The following CDH13 variants were observed in gnomAD, a reference collection of about 807,000 sequenced individuals.
The protein encoded by CDH13 is cadherin-13.
In CDH13, 24 loss-of-function variants were observed where a neutral mutation model predicts 63.8. The observed-to-expected ratio is 0.38, with a 90% CI of 0.27 to 0.53. The LOEUF (loss-of-function observed/expected upper bound fraction) is 0.53. Ranked by LOEUF, CDH13 falls within the 20% of genes least tolerant of loss-of-function variation. The pLI is 0.85. For missense variants in CDH13, 1,049 were observed against 903.1 expected (o/e 1.16, Z -2.07); for synonymous variants, 503 against 355.3 (o/e 1.42, Z -4.67).
intron 10 of CDH13, among the ~76,000 whole-genome samples, chr16:83,741,294 C>A (rs904942560): frequency 6.6e-6 from 1 of 152,108 alleles, no homozygotes; most frequent in Non-Finnish European, 1.5e-5. Flanking sequence ...ATAATAAATA[C>A]GGGGTCCAGT....
chr16:83,249,309 T>C (rs1405562749), intron 5 of CDH13, among the ~76,000 whole-genome samples: 1 of 152,226 alleles, frequency 6.6e-6, no homozygotes, highest in Admixed American at 6.5e-5. Context: ...TTTCTCACTC[T>C]GTCTTCACTG....
intron 5 of CDH13, among the ~76,000 whole-genome samples, chr16:83,280,313 C>T (rs547190920): frequency 6.6e-6 from 1 of 152,152 alleles, no homozygotes; most frequent in Non-Finnish European, 1.5e-5. Flanking sequence ...AGTAGCTTTA[C>T]CAGGAGTAGG....
At chr16:83,270,832 G>A (rs999141555) in intron 5 of CDH13, among the ~76,000 whole-genome samples, 14 of 151,944 alleles carry the variant, frequency 9.2e-5, no homozygotes, top group Admixed American at 9.2e-4. Context: ...CAGATGCTGT[G>A]TTGCTCTTCT....
chr16:82,991,396 T>G (rs1911639615), intron 2 of CDH13, among the ~76,000 whole-genome samples: 1 of 152,172 alleles, frequency 6.6e-6, no homozygotes, highest in Non-Finnish European at 1.5e-5. Flanking sequence ...AGATGTAGAA[T>G]TTTGATATAA....
At chr16:83,575,001 C>T (rs943289108) in intron 7 of CDH13, among the ~76,000 whole-genome samples, 7 of 152,110 alleles carry the variant, frequency 4.6e-5, no homozygotes, top group Non-Finnish European at 1.0e-4. Flanking sequence ...CCCGAACGCC[C>T]ATCCACTAAT....
intron 3 of CDH13, among the ~76,000 whole-genome samples, chr16:83,041,238 C>T (rs1029662115): frequency 3.9e-5 from 6 of 152,044 alleles, no homozygotes; most frequent in Non-Finnish European, 7.4e-5. Context: ...ACAAGAATTT[C>T]TTAAAAATAA....
intron 1 of CDH13, chr16:82,704,964 G>T: frequency 2.9e-6 from 1 of 350,876 alleles, no homozygotes. Context: ...GCAGACTTGG[G>T]AGACAATGTC....
intron 1 of CDH13, among the ~76,000 whole-genome samples, chr16:82,745,663 C>T (rs939189894): frequency 2.0e-5 from 3 of 152,132 alleles, no homozygotes; most frequent in African/African-American, 7.2e-5. Context: ...CGTAGGTCAT[C>T]GTCACCTTTT....
At chr16:83,725,325 A>C (rs573619661) in intron 10 of CDH13, 1 of 152,310 alleles carries the variant, frequency 6.6e-6, no homozygotes, top group African/African-American at 2.4e-5. Context: ...CTGTGGATCT[A>C]ATCTATCCTT....
intron 10 of CDH13, among the ~76,000 whole-genome samples, chr16:83,685,453 A>G (rs1222476582): frequency 6.6e-6 from 1 of 152,212 alleles, no homozygotes; most frequent in East Asian, 1.9e-4. Flanking sequence ...GTGCTAGAGA[A>G]GAGCATATGG....
At chr16:83,257,158 G>C (rs1273740954) in intron 5 of CDH13, among the ~76,000 whole-genome samples, 2 of 152,084 alleles carry the variant, frequency 1.3e-5, no homozygotes, top group Non-Finnish European at 2.9e-5. Flanking sequence ...TGAAGAAGTA[G>C]CATTTGAGCC....
chr16:83,183,094 A>G (rs1458046034), intron 4 of CDH13, among the ~76,000 whole-genome samples: 1 of 152,240 alleles, frequency 6.6e-6, no homozygotes, highest in African/African-American at 2.4e-5. Flanking sequence ...TATTATAAAC[A>G]GACTTTATCT....
intron 11 of CDH13, among the ~76,000 whole-genome samples, chr16:83,755,465 C>G (rs1010631482): frequency 1.3e-5 from 2 of 152,112 alleles, no homozygotes; most frequent in African/African-American, 2.4e-5. Context: ...TAGCAAACCA[C>G]AAGCTGGATA....
intron 6 of CDH13, among the ~76,000 whole-genome samples, chr16:83,415,590 G>C (rs763265123): frequency 8.5e-5 from 13 of 152,120 alleles, no homozygotes; most frequent in Non-Finnish European, 1.6e-4. Flanking sequence ...ATGGGAGTCA[G>C]GAATTGTTCA....
intron 10 of CDH13, among the ~76,000 whole-genome samples, chr16:83,745,012 A>T (rs1912440182): frequency 6.6e-6 from 1 of 152,184 alleles, no homozygotes; most frequent in African/African-American, 2.4e-5. Context: ...GGCAAAGTTC[A>T]CATATCTCTA....
intron 1 of CDH13, among the ~76,000 whole-genome samples, chr16:82,642,804 A>T (rs1208547770): frequency 6.6e-6 from 1 of 152,190 alleles, no homozygotes; most frequent in Admixed American, 6.5e-5. Context: ...CAGCACATGT[A>T]ATCCTCATAG....
intron 7 of CDH13, among the ~76,000 whole-genome samples, chr16:83,539,560 C>T (rs932382435): frequency 2.0e-5 from 3 of 152,152 alleles, no homozygotes; most frequent in African/African-American, 7.2e-5. Flanking sequence ...GAAAATCTGA[C>T]AGGAGAAGGC....
At chr16:82,703,756 C>A (rs1016239971) in intron 1 of CDH13, among the ~76,000 whole-genome samples, 10 of 152,114 alleles carry the variant, frequency 6.6e-5, no homozygotes, top group African/African-American at 2.4e-4. Flanking sequence ...CTTCTGGCTG[C>A]CCCCTCTGCT....
chr16:82,839,084 T>C (rs1043579236), intron 1 of CDH13, among the ~76,000 whole-genome samples: 1 of 152,206 alleles, frequency 6.6e-6, no homozygotes, highest in African/African-American at 2.4e-5. Flanking sequence ...TAGGCTAAGA[T>C]GTGGCCCGTG....
Sources: allele counts gnomAD v4.1 joint callset (sites outside exome capture counted in the v4.1 genomes callset), GRCh38; gene constraint gnomAD v4.1.1; transcripts MANE v1.5; gene names NCBI Gene and HGNC (gene_info 2026-07-23, HGNC 2026-07-21).